Variants in ARHGAP22 observed in about 807,000 individuals in gnomAD.
ARHGAP22 encodes Rho GTPase activating protein 22, also known as rho GTPase-activating protein 22.
In ARHGAP22, 48 loss-of-function variants were observed where a neutral mutation model predicts 59.1. The observed-to-expected ratio is 0.81, with a 90% CI of 0.64 to 1.03. The LOEUF is 1.03. Ranked by LOEUF, ARHGAP22 falls within the 50% of genes least tolerant of loss-of-function variation. ARHGAP22 has a pLI of 0.00. For missense variants in ARHGAP22, 1,015 were observed against 958.7 expected, an observed-to-expected ratio of 1.06 and a Z score of -0.78; for synonymous variants, 445 against 416.4, an observed-to-expected ratio of 1.07 and a Z score of -0.84.
At chr10:48,638,950 A>T (rs577780261) in intron 1 of ARHGAP22, among the ~76,000 whole-genome samples, 74 of 152,350 alleles carry the variant, frequency 4.9e-4, no homozygotes, top group Non-Finnish European at 7.6e-4. Flanking sequence ...TCTTGAAAAA[A>T]CTGACATAAA....
intron 1 of ARHGAP22, among the ~76,000 whole-genome samples, chr10:48,630,013 G>A (rs2136087707): frequency 6.6e-6 from 1 of 152,246 alleles, no homozygotes; most frequent in East Asian, 1.9e-4. Flanking sequence ...TTCATTGCTG[G>A]TGTATGGAAA....
At chr10:48,476,615 C>A (rs1012595228) in intron 4 of ARHGAP22, among the ~76,000 whole-genome samples, 1 of 152,186 alleles carries the variant, frequency 6.6e-6, no homozygotes, top group Non-Finnish European at 1.5e-5. Context: ...TCTGTACTCC[C>A]GGGAGAAAGG....
intron 2 of ARHGAP22, among the ~76,000 whole-genome samples, chr10:48,578,631 T>G (rs2058913997): frequency 6.6e-6 from 1 of 152,172 alleles, no homozygotes; most frequent in African/African-American, 2.4e-5. Flanking sequence ...AACTTGTCTT[T>G]TTTGCTTTAG....
At chr10:48,521,260 C>T (rs933530592) in intron 3 of ARHGAP22, among the ~76,000 whole-genome samples, 2 of 152,172 alleles carry the variant, frequency 1.3e-5, no homozygotes, top group African/African-American at 4.8e-5. Context: ...CCGAAAAAGG[C>T]ACGCAACAAT....
chr10:48,524,110 C>A, intron 3 of ARHGAP22: 1 of 1,339,768 alleles, frequency 7.5e-7, no homozygotes, highest in Non-Finnish European at 9.6e-7. Context: ...CCCATGGCAG[C>A]CGCCCGCGGC....
At chr10:48,605,846 G>T (rs1050251573), upstream of ARHGAP22, among the ~76,000 whole-genome samples, 1 of 152,118 alleles carries the variant, frequency 6.6e-6, no homozygotes, top group Non-Finnish European at 1.5e-5. Flanking sequence ...GCACAGCAAG[G>T]TTGAATCACC....
chr10:48,565,657 C>T (rs1401809198), intron 2 of ARHGAP22, among the ~76,000 whole-genome samples: 1 of 152,152 alleles, frequency 6.6e-6, no homozygotes, highest in African/African-American at 2.4e-5. Flanking sequence ...TGTGTTCCAG[C>T]CTGTTCCACC....
At chr10:48,563,115 C>G (rs913069603) in intron 2 of ARHGAP22, among the ~76,000 whole-genome samples, 9 of 151,286 alleles carry the variant, frequency 5.9e-5, no homozygotes, top group African/African-American at 1.9e-4. Flanking sequence ...ACTCTGACCT[C>G]TTTGTCTGCC....
Position 48,446,345 on chromosome 10 carries a change from C to CAGT in ARHGAP22, c.*45_*46insACT. The CAGT allele has an allele frequency of 6.2e-7, 1 of 1,602,270 alleles. No homozygotes were observed. The highest frequency in any genetic ancestry group is 8.5e-7 in the Non-Finnish European group (1 of 1,170,868). On this transcript the variant is annotated 3_prime_UTR_variant, in exon 10 of 10. Coordinates refer to ENST00000249601, the MANE Select transcript of ARHGAP22 (RefSeq NM_021226.4). ...CAGACGCTTCTAACTCCATACAAGG[C>CAGT]TGGAGACCAGCAGACGTGGTACAGA... is the stretch of plus-strand genomic sequence containing the variant.
At chr10:48,433,290 A>G in the ARHGAP22 span, among the ~76,000 whole-genome samples, 1 of 152,226 alleles carries the variant, frequency 6.6e-6, no homozygotes, top group Non-Finnish European at 1.5e-5. Context: ...TTTGGGTAAA[A>G]TAATAGACCC....
intron 7 of ARHGAP22, among the ~76,000 whole-genome samples, chr10:48,453,827 A>G (rs1466130798): frequency 6.6e-6 from 1 of 152,166 alleles, no homozygotes; most frequent in Non-Finnish European, 1.5e-5. Context: ...GGCACCCAGG[A>G]GGGACAGAGG....
At chr10:48,553,813 T>A (rs2057092525) in intron 3 of ARHGAP22, among the ~76,000 whole-genome samples, 1 of 152,174 alleles carries the variant, frequency 6.6e-6, no homozygotes, top group African/African-American at 2.4e-5. Context: ...ACAGGTGATG[T>A]CCCTTATCTG....
intron 3 of ARHGAP22, among the ~76,000 whole-genome samples, chr10:48,518,702 C>A (rs1050123864): frequency 3.3e-5 from 5 of 152,178 alleles, no homozygotes; most frequent in African/African-American, 1.2e-4. Context: ...AGCAGTGAGA[C>A]CCCGCAGGTG....
At chr10:48,548,095 T>C (rs1484647516) in intron 3 of ARHGAP22, among the ~76,000 whole-genome samples, 1 of 152,118 alleles carries the variant, frequency 6.6e-6, no homozygotes, top group Non-Finnish European at 1.5e-5. Context: ...TACTGAGACT[T>C]TGGGCTTTCG....
chr10:48,470,601 G>A (rs984639915), intron 4 of ARHGAP22, among the ~76,000 whole-genome samples: 3 of 152,216 alleles, frequency 2.0e-5, no homozygotes, highest in Admixed American at 2.0e-4. Context: ...GGTCCATAGG[G>A]ACATCTTCTC....
intron 1 of ARHGAP22, among the ~76,000 whole-genome samples, chr10:48,596,740 T>C (rs10745280): frequency 2.0e-5 from 3 of 152,138 alleles, no homozygotes; most frequent in African/African-American, 7.2e-5. Flanking sequence ...CCCATTCTGG[T>C]GTCTCTCTCG....
rs1030640318 is a variant in ARHGAP22 at position 48,492,668 on chromosome 10, C to T, written c.323-12904G>A. On this transcript the variant is annotated intron_variant, in intron 3 of 9. Transcript: ENST00000249601. ...TCCCAGGTTCAAGTGATTCTCCTGC[C>T]TCAGCCTCCCGAGTAGCTGGGATTA... Among the ~76,000 whole-genome samples, 2 of 152,104 alleles carry T rather than the reference C, an allele frequency of 1.3e-5. 1 individual carries two copies. The highest frequency in any genetic ancestry group is 2.9e-5 in the Non-Finnish European group (2 of 68,030).
intron 3 of ARHGAP22, among the ~76,000 whole-genome samples, chr10:48,554,923 C>T (rs1413560792): frequency 6.6e-6 from 1 of 152,238 alleles, no homozygotes; most frequent in Non-Finnish European, 1.5e-5. Flanking sequence ...CCGGCCCTGC[C>T]ATGTACACTG....
At chr10:48,532,107 A>T (rs2054904446) in intron 3 of ARHGAP22, among the ~76,000 whole-genome samples, 1 of 152,168 alleles carries the variant, frequency 6.6e-6, no homozygotes, top group Non-Finnish European at 1.5e-5. Flanking sequence ...TAATTTTCAC[A>T]ATAGCCTGTA....
Sources: allele counts gnomAD v4.1 joint callset (sites outside exome capture counted in the v4.1 genomes callset), GRCh38; gene constraint gnomAD v4.1.1; transcripts MANE v1.5; gene names NCBI Gene and HGNC (gene_info 2026-07-23, HGNC 2026-07-21).